TTC34: variants seen among roughly 807,000 people sequenced by gnomAD.
TTC34 encodes the protein tetratricopeptide repeat domain 34.
In TTC34, 44 loss-of-function variants were observed where a neutral mutation model predicts 40.7. The observed-to-expected ratio is 1.08, with a 90% CI of 0.85 to 1.39. TTC34 has a LOEUF of 1.39. TTC34 is among the 40% of genes most tolerant of loss of function. The pLI is 0.00. For synonymous variants in TTC34, 422 were observed against 398.6 expected (o/e 1.06, Z -0.70); for missense variants, 884 against 838.0 (o/e 1.05, Z -0.68).
chr1:2,753,134 A>C (rs1392683157), intron 6 of TTC34, among the ~76,000 whole-genome samples: 281 of 13,168 alleles, frequency 0.021, no homozygotes, highest in African/African-American at 0.029. Context: ...AGCACCAAAA[A>C]CCCCAGGTGA....
intron 6 of TTC34, among the ~76,000 whole-genome samples, chr1:2,662,592 C>CA (rs1639589628): frequency 2.1e-5 from 1 of 47,716 alleles, no homozygotes; most frequent in Non-Finnish European, 5.0e-5. Flanking sequence ...CGGAGCAGGA[C>CA]CCATACCTCC....
At chr1:2,638,265 G>T (rs1638829072) in exon 9 of TTC34, 1 of 152,134 alleles carries the variant, frequency 6.6e-6, no homozygotes, top group Non-Finnish European at 1.5e-5. Flanking sequence ...TTCACACACG[G>T]AGACCTGGGA....
chr1:2,647,208 C>T (rs1037032186), intron 6 of TTC34, among the ~76,000 whole-genome samples: 1 of 152,040 alleles, frequency 6.6e-6, no homozygotes, highest in African/African-American at 2.4e-5. Flanking sequence ...CTTCAAATAC[C>T]TGTGTATATT....
At chr1:2,773,242 G>A (rs1642594855) in intron 6 of TTC34, among the ~76,000 whole-genome samples, 1 of 131,576 alleles carries the variant, frequency 7.6e-6, no homozygotes, top group East Asian at 2.8e-4. Context: ...CTGACAGCCT[G>A]GAGCAGCACC....
chr1:2,780,754 C>T (rs1360784904), intron 6 of TTC34, among the ~76,000 whole-genome samples: 7 of 152,138 alleles, frequency 4.6e-5, no homozygotes, highest in Admixed American at 3.9e-4. Context: ...CCTGAGATTC[C>T]ACAGGAATTT....
intron 6 of TTC34, among the ~76,000 whole-genome samples, chr1:2,695,841 G>GATGAACATCCGACA (rs1640838807): frequency 6.6e-6 from 1 of 151,236 alleles, no homozygotes; most frequent in Non-Finnish European, 1.5e-5. Flanking sequence ...CACACCCCCA[G>GATGAACATCCGACA]GTGAACATCC....
intron 6 of TTC34, among the ~76,000 whole-genome samples, chr1:2,751,134 G>A (rs1641305411): frequency 1.8e-5 from 2 of 108,194 alleles, no homozygotes; most frequent in African/African-American, 4.3e-5. Context: ...GTACCCCCAG[G>A]GGAGCATCTG....
chr1:2,641,376 G>A lies in TTC34; in HGVS notation c.3232C>T (p.Leu1078=), dbSNP rs945884514. 135 of 1,511,604 alleles carry A rather than the reference G, an allele frequency of 8.9e-5. No homozygotes were observed. In the African/African-American group the frequency reaches 1.8e-3, roughly 20 times the overall value. The allele number at this position is 1,511,604 out of a possible 1,614,324, so 93.6% of individuals were successfully genotyped here. ...GAGAGGGTCAGGCCCAGTCACTGTA[G>A]CCAGCAGCCTGAGGATGCCTCCCTC... The change falls in exon 9 of 9, where the codon CTA becomes TTA. Residue 1078 remains leucine (L), a synonymous_variant. Coordinates refer to ENST00000401095, the Ensembl canonical transcript of TTC34.
intron 6 of TTC34, among the ~76,000 whole-genome samples, chr1:2,780,109 A>G (rs1018720620): frequency 3.3e-5 from 5 of 152,208 alleles, no homozygotes; most frequent in Admixed American, 1.3e-4. Flanking sequence ...GCGAGACTTC[A>G]GCTCCAAAAA....
rs761299025 is a variant in TTC34 at position 2,785,885 on chromosome 1, C to T, written c.1993G>A (p.Gly665Arg). The T allele has an allele frequency of 2.4e-5, 37 of 1,539,172 alleles. No individual in the cohort carries two copies. The highest frequency in any genetic ancestry group is 2.8e-5 in the Non-Finnish European group (32 of 1,139,636). ...TTGGTGTGAACCCTGCCGTCGGCCC[C>T]GCCTGGCCGTGCCCGCAGGATGGCC... The change falls in exon 5 of 9, where the codon GGG (glycine) becomes AGG (arginine). Residue 665 changes from glycine to arginine, a missense_variant. Physicochemically the swap from Gly to Arg is moderately radical, Grantham distance 125. Transcript: ENST00000401095.
chr1:2,695,667 C>A (rs1426696522), intron 6 of TTC34, among the ~76,000 whole-genome samples: 1 of 130,414 alleles, frequency 7.7e-6, no homozygotes, highest in African/African-American at 3.0e-5. Flanking sequence ...CCTGGAACAG[C>A]ACCCACACCC....
chr1:2,773,119 C>T (rs1485587151), intron 6 of TTC34, among the ~76,000 whole-genome samples: 2 of 110,942 alleles, frequency 1.8e-5, no homozygotes, highest in African/African-American at 3.1e-5. Flanking sequence ...CATCTGACAG[C>T]CTGGAGCAGC....
intron 6 of TTC34, among the ~76,000 whole-genome samples, chr1:2,751,835 A>G (rs1641330513): frequency 1.9e-5 from 2 of 106,272 alleles, no homozygotes; most frequent in Admixed American, 1.0e-4. Context: ...GACAGCCTGG[A>G]ACAGCACCCT....
chr1:2,748,485 G>T (rs1198070586), intron 6 of TTC34, among the ~76,000 whole-genome samples: 6 of 47,424 alleles, frequency 1.3e-4, no homozygotes, highest in African/African-American at 4.2e-4. Context: ...CCACATCCCC[G>T]GGTGAGCATC....
At chr1:2,690,579 C>A (rs113872002) in intron 6 of TTC34, among the ~76,000 whole-genome samples, 187 of 39,054 alleles carry the variant, frequency 4.8e-3, no homozygotes, top group Non-Finnish European at 7.8e-3. Flanking sequence ...AGCACCCACA[C>A]CCCCAGGGGA....
At chr1:2,677,935 C>G (rs1181994465) in intron 6 of TTC34, among the ~76,000 whole-genome samples, 2 of 38,440 alleles carry the variant, frequency 5.2e-5, no homozygotes, top group Non-Finnish European at 8.8e-5. Context: ...CCCTGCACCC[C>G]CAGGTGAGCA....
intron 6 of TTC34, among the ~76,000 whole-genome samples, chr1:2,690,463 C>T (rs553851447): frequency 2.7e-5 from 4 of 148,252 alleles, no homozygotes; most frequent in Non-Finnish European, 4.5e-5. Context: ...CCCACAACCA[C>T]AGGTGAGCAT....
chr1:2,796,045 A>C lies in TTC34; in HGVS notation c.784+3999T>G, dbSNP rs1643707400. On this transcript the variant is annotated intron_variant, in intron 2 of 8. Transcript: ENST00000401095. The surrounding 1 kb of genome is among the most constrained non-coding windows in gnomAD (Gnocchi z 4.5). ...TGCTCTTGTGGGTGGGATTAATGCA[A>C]GTTCAGCCCCTTTCGCCTCTTTGCT... Among the ~76,000 whole-genome samples the C allele has an allele frequency of 6.6e-6, 1 of 152,198 alleles. No individual in the cohort carries two copies.
rs1481626859 is a variant in TTC34 at position 2,750,804 on chromosome 1, C to A, written c.2226+32805G>T. Among the ~76,000 whole-genome samples the A allele has an allele frequency of 2.2e-4, 16 of 72,960 alleles. 3 individuals are homozygous for A. The Admixed American group carries it at 2.4e-3, about 11-fold the overall frequency. 47.9% of individuals were successfully genotyped at this position (72,960 alleles called of 152,430 possible). The stretch of plus-strand genomic sequence containing the variant: ...ATCGGAGAGTCTGGAGCAGCGCCCA[C>A]ACCCCCAGGCGAGCATCTGACAGCC... On this transcript the variant is annotated intron_variant, in intron 6 of 8. Coordinates refer to ENST00000401095, the Ensembl canonical transcript of TTC34.
Sources: allele counts gnomAD v4.1 joint callset (sites outside exome capture counted in the v4.1 genomes callset), GRCh38; gene constraint gnomAD v4.1.1; non-coding constraint Gnocchi (gnomAD v3.1); transcripts MANE v1.5; gene names NCBI Gene and HGNC (gene_info 2026-07-23, HGNC 2026-07-21).